Variants in PCDH11Y observed in about 807,000 individuals in gnomAD.
PCDH11Y encodes the protein protocadherin 11 Y-linked.
For missense variants in PCDH11Y, 12 were observed against 224.8 expected (o/e 0.05, Z 6.05); for synonymous variants, 9 against 83.6 (o/e 0.11, Z 4.87).
chrY:5,616,473 C>A, intron 4 of PCDH11Y, among the ~76,000 whole-genome samples: 1 of 32,999 alleles, frequency 3.0e-5, no homozygotes, highest in African/African-American at 1.2e-4. Context: ...GAGATTCTGA[C>A]TAAAACTGGG....
At chrY:5,364,979 T>C in intron 2 of PCDH11Y, among the ~76,000 whole-genome samples, 2 of 33,096 alleles carry the variant, frequency 6.0e-5, no homozygotes, top group Non-Finnish European at 1.5e-4. Flanking sequence ...TGAAAGGCTG[T>C]TTGTAAATGA....
intron 4 of PCDH11Y, among the ~76,000 whole-genome samples, chrY:5,682,937 G>T (rs2053560021): frequency 3.0e-5 from 1 of 32,866 alleles, no homozygotes; most frequent in Non-Finnish European, 7.5e-5. Context: ...ATATTAATGT[G>T]CTAAAAGAAA....
intron 2 of PCDH11Y, among the ~76,000 whole-genome samples, chrY:5,240,453 C>A: frequency 6.4e-5 from 2 of 31,316 alleles, no homozygotes; most frequent in Non-Finnish European, 1.5e-4. Flanking sequence ...TTCTCAGATT[C>A]ATCAGACAAA....
intron 4 of PCDH11Y, among the ~76,000 whole-genome samples, chrY:5,689,068 C>T: frequency 7.0e-5 from 2 of 28,639 alleles, no homozygotes; most frequent in Non-Finnish European, 1.6e-4. Flanking sequence ...TGTGGTGGTG[C>T]GCACCTGTAA....
intron 2 of PCDH11Y, among the ~76,000 whole-genome samples, chrY:5,296,545 C>G: frequency 3.1e-5 from 1 of 32,774 alleles, no homozygotes; most frequent in Non-Finnish European, 7.5e-5. Flanking sequence ...AGGGATTATT[C>G]TATTCTACTG....
At chrY:5,548,245 A>G in intron 3 of PCDH11Y, among the ~76,000 whole-genome samples, 1 of 33,088 alleles carries the variant, frequency 3.0e-5, no homozygotes, top group East Asian at 8.0e-4. Flanking sequence ...AAGAATCATA[A>G]TAAAATGATA....
chrY:5,333,083 T>C, intron 2 of PCDH11Y, among the ~76,000 whole-genome samples: 1 of 33,872 alleles, frequency 3.0e-5, no homozygotes, highest in Non-Finnish European at 7.3e-5. Context: ...TTCACCATTA[T>C]GGTACACATA....
intron 2 of PCDH11Y, among the ~76,000 whole-genome samples, chrY:5,232,729 G>T: frequency 3.1e-5 from 1 of 32,322 alleles, no homozygotes; most frequent in Non-Finnish European, 7.6e-5. Context: ...TCAGTTTTCT[G>T]TCTCTGGGCC....
intron 4 of PCDH11Y, among the ~76,000 whole-genome samples, chrY:5,596,878 C>T: frequency 4.3e-5 from 1 of 23,334 alleles, no homozygotes; most frequent in Admixed American, 4.5e-4. Flanking sequence ...AATTACATAT[C>T]GATGTGTTAT....
intron 2 of PCDH11Y, among the ~76,000 whole-genome samples, chrY:5,165,835 T>C: frequency 1.8e-4 from 6 of 32,851 alleles, no homozygotes; most frequent in Non-Finnish European, 3.0e-4. Context: ...GAAGAGAAGA[T>C]GCAACTTTGT....
intron 1 of PCDH11Y, among the ~76,000 whole-genome samples, chrY:5,017,372 G>GT: frequency 3.1e-5 from 1 of 32,483 alleles, no homozygotes; most frequent in Non-Finnish European, 7.6e-5. Context: ...TTTAGGTGTA[G>GT]TTTTTTTAAT....
chrY:5,563,849 GATAA>G (rs2053431969), intron 3 of PCDH11Y, among the ~76,000 whole-genome samples: 11 of 24,202 alleles, frequency 4.5e-4, no homozygotes, highest in South Asian at 1.1e-3. Context: ...ACATATATAT[GATAA>G]ATAAATACTT....
chrY:5,664,479 G>C, intron 4 of PCDH11Y, among the ~76,000 whole-genome samples: 1 of 32,728 alleles, frequency 3.1e-5, no homozygotes, highest in Non-Finnish European at 7.5e-5. Context: ...ATAATTTAGA[G>C]GCTTATTTAT....
intron 2 of PCDH11Y, among the ~76,000 whole-genome samples, chrY:5,276,205 T>A (rs2124660132): frequency 3.0e-5 from 1 of 32,984 alleles, no homozygotes; most frequent in Admixed American, 2.8e-4. Context: ...GATTTGAGAG[T>A]GCATAGAGTT....
chrY:5,369,616 C>T, intron 2 of PCDH11Y, among the ~76,000 whole-genome samples: 1 of 32,046 alleles, frequency 3.1e-5, no homozygotes, highest in Non-Finnish European at 7.6e-5. Context: ...TAGTAGTAGA[C>T]TTTCATAGGT....
intron 3 of PCDH11Y, 141 bp downstream of exon 4, chrY:5,501,396 TTAGA>T (rs2053354049): frequency 4.1e-5 from 9 of 222,160 alleles, no homozygotes; most frequent in African/African-American, 8.0e-5. Flanking sequence ...ACATACAGAA[TTAGA>T]TGGATGGCAA....
intron 4 of PCDH11Y, among the ~76,000 whole-genome samples, chrY:5,649,922 T>C: frequency 6.1e-5 from 2 of 32,905 alleles, no homozygotes; most frequent in Non-Finnish European, 1.5e-4. Flanking sequence ...TAGCTTAAGT[T>C]TTTTTTCATG....
chrY:5,294,565 T>A, intron 2 of PCDH11Y, among the ~76,000 whole-genome samples: 1 of 31,596 alleles, frequency 3.2e-5, no homozygotes, highest in Non-Finnish European at 7.5e-5. Context: ...CCAACCTGAT[T>A]TTTTAAATGG....
intron 4 of PCDH11Y, among the ~76,000 whole-genome samples, chrY:5,733,078 T>C: frequency 3.0e-5 from 1 of 33,674 alleles, no homozygotes; most frequent in African/African-American, 1.2e-4. Flanking sequence ...TGTGTTCATT[T>C]TCAGCTTGTC....
Sources: gnomAD v4.1 joint callset for allele counts (sites outside exome capture counted in the v4.1 genomes callset) on GRCh38, gnomAD v4.1.1 for gene constraint, MANE v1.5 for transcripts, NCBI Gene and HGNC (gene_info 2026-07-23, HGNC 2026-07-21) for gene names.